The following ARHGAP24 variants were observed in gnomAD, a reference collection of about 807,000 sequenced individuals.
The protein encoded by ARHGAP24 is rho GTPase-activating protein 24.
ARHGAP24 carries 50 observed loss-of-function variants against 76.4 expected under a neutral mutation model. The ratio of observed to expected loss-of-function variants is 0.65; its 90% CI spans 0.52 to 0.83. The LOEUF (loss-of-function observed/expected upper bound fraction) is 0.83, where lower values mean the gene tolerates loss of function less well. Ranked by LOEUF, ARHGAP24 falls within the 40% of genes least tolerant of loss-of-function variation. ARHGAP24 has a pLI of 0.00. For missense variants in ARHGAP24, 930 were observed against 914.2 expected, an observed-to-expected ratio of 1.02 and a Z score of -0.22; for synonymous variants, 345 against 323.3, an observed-to-expected ratio of 1.07 and a Z score of -0.72.
rs1333995602 is a variant in ARHGAP24, at chr4:85,678,663, A to G, written c.181-43222A>G. Among the ~76,000 whole-genome samples the G allele has an allele frequency of 2.0e-5, 3 of 152,212 alleles. No homozygotes were observed. In the East Asian group the frequency reaches 5.8e-4, roughly 29 times the overall value. On this transcript the variant is annotated intron_variant, in intron 2 of 9. Transcript: ENST00000395184. ...TGTAAAGTCAGCATCAATGTATCAG[A>G]CTACAAACAGTGCAAAATAAAGTGT...
intron 3 of ARHGAP24, among the ~76,000 whole-genome samples, chr4:85,902,628 G>A (rs1734564805): frequency 1.3e-5 from 2 of 152,040 alleles, no homozygotes; most frequent in Admixed American, 1.3e-4. Context: ...TTTTGAACCG[G>A]AGTCTCACTC....
At chr4:85,599,815 T>C (rs2109987217) in intron 2 of ARHGAP24, among the ~76,000 whole-genome samples, 1 of 152,254 alleles carries the variant, frequency 6.6e-6, no homozygotes, top group Admixed American at 6.5e-5. Context: ...GTTTTGCATA[T>C]TGTGGCCTGC....
intron 3 of ARHGAP24, among the ~76,000 whole-genome samples, chr4:85,737,183 G>A (rs1434993231): frequency 6.6e-6 from 1 of 152,000 alleles, no homozygotes; most frequent in African/African-American, 2.4e-5. Flanking sequence ...CTAAATGCTG[G>A]AAGTCCAGAC....
At chr4:85,662,234 T>C (rs560669880) in intron 2 of ARHGAP24, among the ~76,000 whole-genome samples, 124 of 152,302 alleles carry the variant, frequency 8.1e-4, no homozygotes, top group Admixed American at 1.9e-3. Context: ...TGGTATTTCA[T>C]TGTGGTTTTG....
At chr4:85,768,074 G>A (rs1017737551) in intron 3 of ARHGAP24, among the ~76,000 whole-genome samples, 12 of 152,096 alleles carry the variant, frequency 7.9e-5, no homozygotes, top group African/African-American at 2.2e-4. Context: ...GTTTATATGC[G>A]GCTGCTGTGT....
intron 1 of ARHGAP24, among the ~76,000 whole-genome samples, chr4:85,487,241 A>ATAAAAATATATATTTATTTTAT (rs1723099617): frequency 7.8e-6 from 1 of 128,814 alleles, no homozygotes; most frequent in African/African-American, 3.0e-5. Context: ...TTTTATATAT[A>ATAAAAATATATATTTATTTTAT]GTAAATATAT....
intron 3 of ARHGAP24, among the ~76,000 whole-genome samples, chr4:85,771,437 T>C (rs1018444932): frequency 3.3e-5 from 5 of 152,242 alleles, no homozygotes; most frequent in African/African-American, 1.2e-4. Context: ...TGTTGTTCTA[T>C]TCATGTCCTC....
At chr4:85,872,125 A>T (rs1732560268) in intron 3 of ARHGAP24, among the ~76,000 whole-genome samples, 1 of 151,924 alleles carries the variant, frequency 6.6e-6, no homozygotes, top group Non-Finnish European at 1.5e-5. Flanking sequence ...GTTTGTTTTC[A>T]TCTAGCAAGT....
chr4:85,732,575 T>G (rs973530148), intron 3 of ARHGAP24, among the ~76,000 whole-genome samples: 3 of 152,226 alleles, frequency 2.0e-5, no homozygotes, highest in African/African-American at 7.2e-5. Flanking sequence ...ACTGTCAGGC[T>G]TCCTGGCTTT....
chr4:85,628,065 G>A (rs1442580855), intron 2 of ARHGAP24, among the ~76,000 whole-genome samples: 2 of 152,236 alleles, frequency 1.3e-5, no homozygotes, highest in Non-Finnish European at 2.9e-5. Flanking sequence ...CTTGCACATG[G>A]TGTGCCGCAC....
chr4:85,540,946 G>GT (rs967142746), intron 1 of ARHGAP24, among the ~76,000 whole-genome samples: 10 of 122,798 alleles, frequency 8.1e-5, no homozygotes, highest in African/African-American at 5.9e-4. Context: ...TTACTGTGCA[G>GT]TTTACTAAAG....
At chr4:85,775,425 A>T (rs1036024637) in intron 3 of ARHGAP24, among the ~76,000 whole-genome samples, 4 of 152,188 alleles carry the variant, frequency 2.6e-5, no homozygotes, top group African/African-American at 9.6e-5. Context: ...TTGGCTAGGG[A>T]GGCCTCACAA....
chr4:85,570,841 T>C, intron 2 of ARHGAP24, 120 bp downstream of exon 2: 1 of 1,169,000 alleles, frequency 8.6e-7, no homozygotes, highest in Non-Finnish European at 1.2e-6. Flanking sequence ...CAGTTCATTG[T>C]CATCTTTCAC....
intron 5 of ARHGAP24, among the ~76,000 whole-genome samples, chr4:85,958,150 C>T (rs1480593056): frequency 1.3e-5 from 2 of 152,218 alleles, no homozygotes; most frequent in African/African-American, 2.4e-5. Flanking sequence ...AAATCTGCCA[C>T]TTACTACCCA....
At chr4:85,627,579 A>T (rs1412422052) in intron 2 of ARHGAP24, among the ~76,000 whole-genome samples, 1 of 152,134 alleles carries the variant, frequency 6.6e-6, no homozygotes, top group Non-Finnish European at 1.5e-5. Context: ...GTGCTGGGAG[A>T]ACCACTACTC....
chr4:85,872,668 G>A (rs1034389629), intron 3 of ARHGAP24, among the ~76,000 whole-genome samples: 4 of 130,654 alleles, frequency 3.1e-5, no homozygotes, highest in African/African-American at 1.2e-4. Flanking sequence ...CACAATCTCA[G>A]CTCATTGCAA....
chr4:85,623,383 G>T (rs1343605864), intron 2 of ARHGAP24, among the ~76,000 whole-genome samples: 1 of 152,092 alleles, frequency 6.6e-6, no homozygotes, highest in Admixed American at 6.6e-5. Context: ...TTTTTGTCAG[G>T]TTTGTCAAAG....
At position 85,651,608 on chromosome 4, in the gene ARHGAP24, G is replaced by GT. The variant is rs1480625583; in HGVS notation, c.181-70273dup. ...TTAAAAGTTCCTCATAATTACTAGTGTTTTATTATTAATACTCACTTTTAG... is the reference window on the plus strand; with the variant it reads ...TTAAAAGTTCCTCATAATTACTAGTGTTTTTATTATTAATACTCACTTTTAG... On this transcript the variant is annotated intron_variant, in intron 2 of 9. Transcript: ENST00000395184. Among the ~76,000 whole-genome samples the GT allele has an allele frequency of 1.9e-4, 28 of 148,738 alleles. 1 individual carries two copies. The highest frequency in any genetic ancestry group is 3.1e-4 in the Non-Finnish European group (21 of 67,862).
intron 3 of ARHGAP24, among the ~76,000 whole-genome samples, chr4:85,903,121 A>G (rs1734591971): frequency 6.6e-6 from 1 of 152,236 alleles, no homozygotes; most frequent in South Asian, 2.1e-4. Context: ...TACTGTCAAG[A>G]TCAAAAGCAC....
Sources: allele counts gnomAD v4.1 joint callset (sites outside exome capture counted in the v4.1 genomes callset), GRCh38; gene constraint gnomAD v4.1.1; transcripts MANE v1.5; gene names NCBI Gene and HGNC (gene_info 2026-07-23, HGNC 2026-07-21).